Variants in CYP19A1 observed in about 807,000 individuals in gnomAD.
CYP19A1 encodes aromatase.
In CYP19A1, 32 loss-of-function variants were observed where a neutral mutation model predicts 44.4. That is an observed-to-expected ratio of 0.72 (90% confidence interval 0.54 to 0.97). The LOEUF (loss-of-function observed/expected upper bound fraction) is 0.97, where lower values mean the gene tolerates loss of function less well. Among genes scored for constraint, CYP19A1 ranks in the 50% least tolerant of loss-of-function variants. The pLI, the probability that CYP19A1 is intolerant of heterozygous loss-of-function variation, is 0.00. For missense variants in CYP19A1, 598 were observed against 637.8 expected, an observed-to-expected ratio of 0.94 and a Z score of 0.67; for synonymous variants, 212 against 215.6, an observed-to-expected ratio of 0.98 and a Z score of 0.14.
intron 1 of CYP19A1, among the ~76,000 whole-genome samples, chr15:51,289,786 C>A (rs2035800868): frequency 2.0e-5 from 3 of 152,060 alleles, no homozygotes; most frequent in Admixed American, 6.5e-5. Context: ...TAATATTTAA[C>A]CTTGAAGGGT....
At chr15:51,278,551 C>T (rs2035407513) in intron 1 of CYP19A1, among the ~76,000 whole-genome samples, 1 of 152,190 alleles carries the variant, frequency 6.6e-6, no homozygotes, top group Admixed American at 6.5e-5. Context: ...GGCTACTTTA[C>T]AGTCTTTTTC....
intron 1 of CYP19A1, among the ~76,000 whole-genome samples, chr15:51,298,228 A>C (rs1260038597): frequency 6.6e-6 from 1 of 152,200 alleles, no homozygotes; most frequent in Non-Finnish European, 1.5e-5. Context: ...CCACCAGCTG[A>C]TATTTCAGAG....
chr15:51,236,246 T>C (rs1264247490), intron 3 of CYP19A1, among the ~76,000 whole-genome samples: 1 of 152,244 alleles, frequency 6.6e-6, no homozygotes, highest in Non-Finnish European at 1.5e-5. Flanking sequence ...TTCTTTTATT[T>C]TCCTTTTTCT....
At chr15:51,246,200 G>T (rs544969461) in intron 1 of CYP19A1, among the ~76,000 whole-genome samples, 3 of 151,896 alleles carry the variant, frequency 2.0e-5, no homozygotes, top group African/African-American at 7.3e-5. Flanking sequence ...AATATAGGAA[G>T]GTCCTAGAAC....
At chr15:51,336,760 C>T (rs1157097144) in intron 1 of CYP19A1, among the ~76,000 whole-genome samples, 2 of 152,166 alleles carry the variant, frequency 1.3e-5, no homozygotes, top group African/African-American at 2.4e-5. Flanking sequence ...AAGCATCTGC[C>T]TTTTAATGGA....
intron 1 of CYP19A1, among the ~76,000 whole-genome samples, chr15:51,247,994 G>A (rs1330962922): frequency 2.2e-4 from 34 of 152,090 alleles, no homozygotes; most frequent in Admixed American, 2.2e-3. Context: ...GCATATCTCA[G>A]TGGTCAGTTG....
At chr15:51,306,381 G>A (rs1201918611) in intron 1 of CYP19A1, among the ~76,000 whole-genome samples, 8 of 152,210 alleles carry the variant, frequency 5.3e-5, no homozygotes, top group East Asian at 3.9e-4. Context: ...TTGGAAGGGT[G>A]ACAGCAGTTT....
intron 1 of CYP19A1, among the ~76,000 whole-genome samples, chr15:51,246,236 C>T (rs1417486797): frequency 1.3e-5 from 2 of 152,084 alleles, no homozygotes; most frequent in Non-Finnish European, 1.5e-5. Flanking sequence ...TTACATGTCC[C>T]CTCGGCCAGT....
intron 8 of CYP19A1, among the ~76,000 whole-genome samples, chr15:51,213,327 A>T (rs980175141): frequency 5.9e-5 from 9 of 152,160 alleles, no homozygotes; most frequent in African/African-American, 2.2e-4. Flanking sequence ...GGTCAAAGAG[A>T]CTTAGATTAT....
chr15:51,243,493 T>C (rs1240348917), intron 1 of CYP19A1, among the ~76,000 whole-genome samples: 1 of 152,208 alleles, frequency 6.6e-6, no homozygotes, highest in Non-Finnish European at 1.5e-5. Flanking sequence ...CTCAGAGCCT[T>C]CCATCAGTTT....
At chr15:51,240,271 CA>C (rs1412250709) in intron 2 of CYP19A1, among the ~76,000 whole-genome samples, 1 of 152,098 alleles carries the variant, frequency 6.6e-6, no homozygotes, top group Non-Finnish European at 1.5e-5. Flanking sequence ...GTTTACTTAG[CA>C]GTAAATACGG....
intron 1 of CYP19A1, among the ~76,000 whole-genome samples, chr15:51,310,359 A>C (rs1010079335): frequency 7.2e-5 from 11 of 152,238 alleles, no homozygotes; most frequent in African/African-American, 2.7e-4. Flanking sequence ...CTTTGGCCCA[A>C]GGGTGAGCTG....
chr15:51,248,843 G>C (rs1487376194), intron 1 of CYP19A1, among the ~76,000 whole-genome samples: 1 of 151,936 alleles, frequency 6.6e-6, no homozygotes, highest in Non-Finnish European at 1.5e-5. Context: ...ATTGCTGCCA[G>C]ATTTGCTTTT....
At chr15:51,296,798 C>T (rs1396127633) in intron 1 of CYP19A1, among the ~76,000 whole-genome samples, 1 of 152,062 alleles carries the variant, frequency 6.6e-6, no homozygotes, top group Non-Finnish European at 1.5e-5. Flanking sequence ...TTTCATATTC[C>T]TGTTTGTAAA....
intron 1 of CYP19A1, among the ~76,000 whole-genome samples, chr15:51,247,173 C>T (rs2034098341): frequency 6.6e-6 from 1 of 152,154 alleles, no homozygotes; most frequent in Non-Finnish European, 1.5e-5. Context: ...ATTCCTCCGT[C>T]AGCCCCCATG....
chr15:51,314,758 T>C (rs1363841882), intron 1 of CYP19A1, among the ~76,000 whole-genome samples: 1 of 152,220 alleles, frequency 6.6e-6, no homozygotes, highest in Non-Finnish European at 1.5e-5. Flanking sequence ...TTTTCCTTGC[T>C]CAAAACACAT....
At chr15:51,289,772 T>A (rs1015199633) in intron 1 of CYP19A1, among the ~76,000 whole-genome samples, 2 of 152,138 alleles carry the variant, frequency 1.3e-5, no homozygotes, top group Non-Finnish European at 2.9e-5. Flanking sequence ...GTGAAGGGAA[T>A]TTTTAATATT....
At chr15:51,217,214 T>C (rs1159192173) in intron 6 of CYP19A1, among the ~76,000 whole-genome samples, 1 of 152,222 alleles carries the variant, frequency 6.6e-6, no homozygotes, top group Non-Finnish European at 1.5e-5. Context: ...GGTGTTGGAA[T>C]GCCCCAGCCT....
In CYP19A1 at chr15:51,227,047, T is replaced by G. The variant is rs539317142; in HGVS notation, c.451+732A>C. ...TGTTTGGCCGTGTTTAAATCAAACA[T>G]ATGGGTGACATGCTAAATTCTTAAC... On this transcript the variant is annotated intron_variant, in intron 4 of 9. Transcript: ENST00000396402. Among the ~76,000 whole-genome samples, 5 of 152,146 alleles carry G rather than the reference T, an allele frequency of 3.3e-5. No homozygotes were observed. In the South Asian group the frequency reaches 1.0e-3, roughly 31 times the overall value.
Sources: gnomAD v4.1 joint callset for allele counts (sites outside exome capture counted in the v4.1 genomes callset) on GRCh38, gnomAD v4.1.1 for gene constraint, MANE v1.5 for transcripts, NCBI Gene and HGNC (gene_info 2026-07-23, HGNC 2026-07-21) for gene names.